WDPCP: variants seen among roughly 807,000 people sequenced by gnomAD.
WDPCP encodes WD repeat containing planar cell polarity effector.
In WDPCP, 71 loss-of-function variants were observed where a neutral mutation model predicts 93.1. That is an observed-to-expected ratio of 0.76 (90% confidence interval 0.63 to 0.93). The LOEUF (loss-of-function observed/expected upper bound fraction) is 0.93. WDPCP is among the 40% of genes least tolerant of loss of function. WDPCP has a pLI of 0.00. For missense variants in WDPCP, 844 were observed against 887.4 expected (o/e 0.95, Z 0.62); for synonymous variants, 315 against 315.0 (o/e 1.00, Z 0.00).
chr2:63,472,440 C>CAAA (rs1699749630), intron 6 of WDPCP, among the ~76,000 whole-genome samples: 1 of 151,740 alleles, frequency 6.6e-6, no homozygotes, highest in Non-Finnish European at 1.5e-5. Flanking sequence ...CTCCTATCAC[C>CAAA]TTTGGTTCAT....
intron 1 of WDPCP, among the ~76,000 whole-genome samples, chr2:63,527,494 T>A (rs1255308240): frequency 6.6e-6 from 1 of 151,848 alleles, no homozygotes; most frequent in African/African-American, 2.4e-5. Context: ...CTTGCGATAG[T>A]TTGCTCAGAA....
intron 8 of WDPCP, among the ~76,000 whole-genome samples, chr2:63,437,096 G>A (rs1290250192): frequency 6.6e-6 from 1 of 151,906 alleles, no homozygotes; most frequent in African/African-American, 2.4e-5. Flanking sequence ...GGGTCTTAGG[G>A]GAAAATGAGA....
At chr2:63,323,425 A>G (rs900071031) in intron 12 of WDPCP, among the ~76,000 whole-genome samples, 2 of 152,220 alleles carry the variant, frequency 1.3e-5, no homozygotes, top group East Asian at 3.9e-4. Context: ...AGGGGGGACT[A>G]TCTGGAATTT....
At chr2:63,375,357 G>A (rs989450753) in intron 12 of WDPCP, among the ~76,000 whole-genome samples, 1 of 151,934 alleles carries the variant, frequency 6.6e-6, no homozygotes, top group Admixed American at 6.6e-5. Flanking sequence ...CTGTAGGTAA[G>A]TGTCTTCCAG....
chr2:63,168,443 G>A (rs1673153750), intron 15 of WDPCP, among the ~76,000 whole-genome samples: 1 of 152,034 alleles, frequency 6.6e-6, no homozygotes, highest in South Asian at 2.1e-4. Context: ...ACAGTACATA[G>A]CTGGATCTTG....
chr2:63,264,969 T>G (rs921770646), intron 13 of WDPCP, among the ~76,000 whole-genome samples: 1 of 152,048 alleles, frequency 6.6e-6, no homozygotes, highest in Non-Finnish European at 1.5e-5. Context: ...GAACAACCAA[T>G]TGGCCAAAGA....
At chr2:63,156,372 T>G (rs1672249977) in intron 15 of WDPCP, among the ~76,000 whole-genome samples, 1 of 152,180 alleles carries the variant, frequency 6.6e-6, no homozygotes, top group African/African-American at 2.4e-5. Context: ...AACACAGTAT[T>G]TCTTTTATTT....
chr2:63,323,726 G>A (rs558848151), intron 12 of WDPCP, among the ~76,000 whole-genome samples: 3 of 152,036 alleles, frequency 2.0e-5, no homozygotes, highest in East Asian at 1.9e-4. Flanking sequence ...GATTTTTCTC[G>A]GTCCTCTTTG....
At chr2:63,806,449 A>C (rs1670764132) in intron 2 of WDPCP, among the ~76,000 whole-genome samples, 1 of 152,218 alleles carries the variant, frequency 6.6e-6, no homozygotes, top group East Asian at 1.9e-4. Context: ...CGAGATCACA[A>C]GACCACAGGA....
intron 13 of WDPCP, among the ~76,000 whole-genome samples, chr2:63,299,539 T>C (rs1297436013): frequency 6.6e-6 from 1 of 152,230 alleles, no homozygotes; most frequent in Non-Finnish European, 1.5e-5. Context: ...TATTAGTTCA[T>C]GTGCTCCTCT....
At chr2:63,523,844 G>A (rs569412897) in intron 1 of WDPCP, among the ~76,000 whole-genome samples, 1 of 152,310 alleles carries the variant, frequency 6.6e-6, no homozygotes, top group African/African-American at 2.4e-5. Flanking sequence ...CCAGGAGGTG[G>A]AGGTTGTGGT....
intron 15 of WDPCP, among the ~76,000 whole-genome samples, chr2:63,157,741 C>T (rs1672356652): frequency 6.6e-6 from 1 of 152,058 alleles, no homozygotes; most frequent in Admixed American, 6.5e-5. Flanking sequence ...TACCCTCTTT[C>T]GTTCCTGATA....
chr2:63,658,869 T>C (rs1484617763), intron 2 of WDPCP, among the ~76,000 whole-genome samples: 2 of 152,210 alleles, frequency 1.3e-5, no homozygotes, highest in Non-Finnish European at 2.9e-5. Context: ...TCAGTTCTCC[T>C]CTCACTAACT....
intron 2 of WDPCP, among the ~76,000 whole-genome samples, chr2:63,743,738 C>T (rs965358284): frequency 6.6e-6 from 1 of 151,890 alleles, no homozygotes; most frequent in Non-Finnish European, 1.5e-5. Flanking sequence ...ATACTAAAAG[C>T]TTTTTAAAAA....
At chr2:63,404,704 T>C (rs369929864) in intron 9 of WDPCP, 47 bp from the exon 10 acceptor site, 1 of 1,609,252 alleles carries the variant, frequency 6.2e-7, no homozygotes, top group Admixed American at 1.7e-5. Flanking sequence ...TTGGTTTTTC[T>C]TCAACTTCAC....
chr2:63,349,435 A>AT (rs1201581199), intron 12 of WDPCP, among the ~76,000 whole-genome samples: 3 of 152,156 alleles, frequency 2.0e-5, no homozygotes, highest in Non-Finnish European at 2.9e-5. Flanking sequence ...TCTAAGCTGT[A>AT]TCAAATTAAC....
chr2:63,233,507 G>T, intron 14 of WDPCP: 2 of 174,436 alleles, frequency 1.1e-5, no homozygotes, highest in East Asian at 3.0e-4. Flanking sequence ...TTCTCCAATC[G>T]GTAAAACTTC....
At chr2:63,837,401 G>A in the WDPCP span, among the ~76,000 whole-genome samples, 1 of 152,164 alleles carries the variant, frequency 6.6e-6, no homozygotes, top group South Asian at 2.1e-4. Flanking sequence ...GATTTAGATG[G>A]GTACAGATGG....
At chr2:63,799,248 A>G (rs1001221421) in intron 2 of WDPCP, among the ~76,000 whole-genome samples, 4 of 152,218 alleles carry the variant, frequency 2.6e-5, no homozygotes, top group African/African-American at 7.2e-5. Flanking sequence ...AGGATCACCA[A>G]TATCTTGTTA....
Sources: allele counts gnomAD v4.1 joint callset (sites outside exome capture counted in the v4.1 genomes callset), GRCh38; gene constraint gnomAD v4.1.1; transcripts MANE v1.5; gene names NCBI Gene and HGNC (gene_info 2026-07-23, HGNC 2026-07-21).